VEZT: variants seen among roughly 807,000 people sequenced by gnomAD.
The protein encoded by VEZT is vezatin.
In VEZT, 39 loss-of-function variants were observed where a neutral mutation model predicts 79.9. The observed-to-expected ratio is 0.49, with a 90% CI of 0.38 to 0.64. The LOEUF (loss-of-function observed/expected upper bound fraction) is 0.64, where lower values mean the gene tolerates loss of function less well. VEZT is among the 30% of genes least tolerant of loss of function. The pLI is 0.00. For missense variants in VEZT, 837 were observed against 893.1 expected (o/e 0.94, Z 0.80); for synonymous variants, 325 against 327.6 (o/e 0.99, Z 0.09).
At chr12:95,252,785 T>C (rs2062821458) in intron 2 of VEZT, among the ~76,000 whole-genome samples, 1 of 152,152 alleles carries the variant, frequency 6.6e-6, no homozygotes, top group African/African-American at 2.4e-5. Context: ...GCCAACATGG[T>C]GAAACCCTGT....
intron 1 of VEZT, among the ~76,000 whole-genome samples, chr12:95,235,489 C>T (rs2059957593): frequency 7.3e-6 from 1 of 137,022 alleles, no homozygotes; most frequent in African/African-American, 2.8e-5. Context: ...GTAGGGGCGG[C>T]CGGGCAGAGG....
intron 1 of VEZT, among the ~76,000 whole-genome samples, chr12:95,222,546 A>G (rs2057783051): frequency 6.6e-6 from 1 of 152,134 alleles, no homozygotes; most frequent in South Asian, 2.1e-4. Flanking sequence ...TAATTACTAT[A>G]ATTTAAAAAA....
Position 95,221,789 on chromosome 12 carries a change from A to G in VEZT, c.36+3903A>G, listed in dbSNP as rs1253191559. Reference sequence around the variant, plus strand: ...CTTGAGCCCAGGAATTTGAGGCTGCAGTGAGCTACAATTCCAGCCTGGGTG... The same window carrying G: ...CTTGAGCCCAGGAATTTGAGGCTGCGGTGAGCTACAATTCCAGCCTGGGTG... On this transcript the variant is annotated intron_variant, in intron 1 of 11. Coordinates refer to ENST00000436874, the MANE Select transcript of VEZT (RefSeq NM_017599.4). Among the ~76,000 whole-genome samples the G allele has an allele frequency of 2.0e-5, 3 of 152,288 alleles. No homozygotes were observed. In the East Asian group the frequency reaches 5.8e-4, roughly 29 times the overall value.
At position 95,270,067 on chromosome 12, in the gene VEZT, C is replaced by G. The variant is rs763296928; in HGVS notation, c.727C>G (p.Pro243Ala). Reference sequence around the variant, plus strand: ...GCTTGACAGGGTCAGTGCTGCTTGCCCATTTAATAAAGCTGGACAGCATCC... The same window carrying G: ...GCTTGACAGGGTCAGTGCTGCTTGCGCATTTAATAAAGCTGGACAGCATCC... ...RGFTLVSAAC[P>A]FNKAGQHPSQ... is the part of the protein sequence containing the mutation. The change falls in exon 6 of 12, where the codon CCA becomes GCA. Residue 243 changes from proline (P) to alanine (A), a missense_variant. Coordinates refer to ENST00000436874, the MANE Select transcript of VEZT (RefSeq NM_017599.4). The G allele has an allele frequency of 2.5e-6, 4 of 1,611,152 alleles. No individual in the cohort carries two copies. The South Asian group carries it at 3.3e-5, about 13-fold the overall frequency.
At chr12:95,283,891 G>A (rs958114316) in intron 8 of VEZT, among the ~76,000 whole-genome samples, 2 of 152,232 alleles carry the variant, frequency 1.3e-5, no homozygotes, top group Non-Finnish European at 2.9e-5. Context: ...CTCCACTTGA[G>A]TGGGTGGCAA....
At chr12:95,234,326 C>A (rs2059696123) in intron 1 of VEZT, among the ~76,000 whole-genome samples, 1 of 149,648 alleles carries the variant, frequency 6.7e-6, no homozygotes, top group African/African-American at 2.5e-5. Flanking sequence ...TCGCTCTTGG[C>A]CCCCAGGCTA....
Position 95,287,042 on chromosome 12 carries a change from G to A in VEZT, c.1329-622G>A, listed in dbSNP as rs994838243. 4.6e-5 allele frequency among the ~76,000 whole-genome samples: 7 copies of A among 152,258 alleles called. No individual in the cohort carries two copies. The East Asian group carries it at 1.2e-3, about 25-fold the overall frequency. ...GATATTATATTTTGCTTACATATATGTGTAATATCACTTGTTATTTCTTAT... is the reference window on the plus strand; with the variant it reads ...GATATTATATTTTGCTTACATATATATGTAATATCACTTGTTATTTCTTAT... On this transcript the variant is annotated intron_variant, in intron 8 of 11. Coordinates refer to ENST00000436874, the MANE Select transcript of VEZT (RefSeq NM_017599.4).
chr12:95,302,519 A>G lies in VEZT; in HGVS notation c.*1846A>G, dbSNP rs2075321959. The G allele has an allele frequency of 6.6e-6, 1 of 152,116 alleles. No individual in the cohort carries two copies. Among genetic ancestry groups the G allele is most frequent in the Admixed American group, 6.5e-5 (1 of 15,272 alleles). The allele number at this position is 152,116 out of a possible 1,614,324, so 9.4% of individuals were successfully genotyped here. On this transcript the variant is annotated 3_prime_UTR_variant, in exon 12 of 12. Coordinates refer to ENST00000436874, the MANE Select transcript of VEZT (RefSeq NM_017599.4). Reference sequence around the variant, plus strand: ...AAAGATCTTGCAGCTTTATTTGAGTATTTGTTCTTTTGTGTAGTTTCCATC... The same window carrying G: ...AAAGATCTTGCAGCTTTATTTGAGTGTTTGTTCTTTTGTGTAGTTTCCATC...
intron 3 of VEZT, among the ~76,000 whole-genome samples, chr12:95,260,298 G>T (rs953841645): frequency 2.6e-5 from 4 of 151,844 alleles, no homozygotes; most frequent in African/African-American, 9.7e-5. Context: ...TAGAGATGAG[G>T]TTTCACTCTG....
intron 11 of VEZT, chr12:95,299,117 AG>A (rs1423253462): frequency 6.5e-6 from 1 of 154,784 alleles, no homozygotes; most frequent in African/African-American, 2.4e-5. Context: ...ATGGAATTAG[AG>A]GGGGAAAGTC....
intron 2 of VEZT, 76 bp downstream of exon 2, chr12:95,252,147 CA>C: frequency 6.8e-7 from 1 of 1,469,828 alleles, no homozygotes; most frequent in African/African-American, 1.4e-5. Flanking sequence ...ACTTCTTAAG[CA>C]CTTCCATATC....
At chr12:95,242,558 C>A (rs1311490680) in intron 1 of VEZT, among the ~76,000 whole-genome samples, 3 of 152,100 alleles carry the variant, frequency 2.0e-5, no homozygotes, top group African/African-American at 7.2e-5. Flanking sequence ...GTAGCTGGGA[C>A]TACGTGTGGA....
rs1351678484 is a variant in VEZT at position 95,300,704 on chromosome 12, T to C, written c.*31T>C. On this transcript the variant is annotated 3_prime_UTR_variant, in exon 12 of 12. Coordinates refer to ENST00000436874, the MANE Select transcript of VEZT (RefSeq NM_017599.4). ...AAGATTCATATGAAGTGATATTAGATTGTTCCTTTTACAAAAGTGTTTAGC... is the reference window on the plus strand; with the variant it reads ...AAGATTCATATGAAGTGATATTAGACTGTTCCTTTTACAAAAGTGTTTAGC... The C allele has an allele frequency of 6.6e-7, 1 of 1,521,680 alleles. No homozygotes were observed. The highest frequency in any genetic ancestry group is 8.8e-7 in the Non-Finnish European group (1 of 1,139,180). The allele number at this position is 1,521,680 out of a possible 1,614,324, so 94.3% of individuals were successfully genotyped here.
chr12:95,251,023 G>A (rs773831802), intron 1 of VEZT, among the ~76,000 whole-genome samples: 1 of 151,818 alleles, frequency 6.6e-6, no homozygotes, highest in African/African-American at 2.4e-5. Flanking sequence ...TTGTTTGTTT[G>A]TTTTGAGATG....
Position 95,223,892 on chromosome 12 carries a change from T to G in VEZT, c.36+6006T>G, listed in dbSNP as rs76598578. Among the ~76,000 whole-genome samples the G allele has an allele frequency of 6.2e-3, 922 of 149,652 alleles. 11 individuals are homozygous for G. Among genetic ancestry groups the G allele is most frequent in the African/African-American group, 0.021 (871 of 41,290 alleles). ...TGTTTATTTTGCTATTTTTGTTCTG[T>G]TTTTTTTAGCTTCTTGAGTTAAAAA... is the stretch of plus-strand genomic sequence containing the variant. On this transcript the variant is annotated intron_variant, in intron 1 of 11. Coordinates refer to ENST00000436874, the MANE Select transcript of VEZT (RefSeq NM_017599.4).
rs746700350 is a variant in VEZT at position 95,251,991 on chromosome 12, A to G, written c.88A>G (p.Ile30Val). ...LQDLGHTDFE[I>V]CSSLSPKTEK... is the part of the protein sequence containing the mutation. The stretch of plus-strand genomic sequence containing the variant: ...GGATCTGGGACACACAGACTTTGAA[A>G]TATGTTCTTCTTTGTCACCAAAAAC... Residue 30 changes from isoleucine (I) to valine (V), a missense_variant, in exon 2 of 12, where the codon ATA becomes GTA. By Grantham distance (29) the Ile-to-Val change is conservative. Transcript: ENST00000436874. The G allele has an allele frequency of 2.5e-6, 4 of 1,612,742 alleles. No individual in the cohort carries two copies. The highest frequency in any genetic ancestry group is 1.3e-5 in the African/African-American group (1 of 74,892).
intron 1 of VEZT, among the ~76,000 whole-genome samples, chr12:95,238,985 C>T (rs191788998): frequency 3.9e-5 from 6 of 152,114 alleles, no homozygotes; most frequent in African/African-American, 7.2e-5. Flanking sequence ...AAAATACATT[C>T]GATGAAGCAA....
At chr12:95,229,518 A>G (rs753111089) in intron 1 of VEZT, among the ~76,000 whole-genome samples, 11 of 152,194 alleles carry the variant, frequency 7.2e-5, no homozygotes, top group Non-Finnish European at 1.2e-4. Context: ...ATCCTTTGGT[A>G]TGAAATTTTT....
intron 3 of VEZT, among the ~76,000 whole-genome samples, chr12:95,260,473 G>A (rs915435262): frequency 1.3e-5 from 2 of 152,090 alleles, no homozygotes; most frequent in Non-Finnish European, 2.9e-5. Flanking sequence ...CGTTGGTTTT[G>A]GGGAGGTGTT....
Sources: allele counts gnomAD v4.1 joint callset (sites outside exome capture counted in the v4.1 genomes callset), GRCh38; gene constraint gnomAD v4.1.1; transcripts MANE v1.5; gene names NCBI Gene and HGNC (gene_info 2026-07-23, HGNC 2026-07-21).